CHCHD3: variants seen among roughly 807,000 people sequenced by gnomAD.
CHCHD3 encodes the protein MICOS complex subunit MIC19.
Under a neutral mutation model 38.2 loss-of-function variants are expected in CHCHD3, and 20 were observed. The observed-to-expected ratio is 0.52, with a 90% CI of 0.37 to 0.76. The LOEUF (loss-of-function observed/expected upper bound fraction) is 0.76, where lower values mean the gene tolerates loss of function less well. Ranked by LOEUF, CHCHD3 falls within the 30% of genes least tolerant of loss-of-function variation. CHCHD3 has a pLI of 0.00. For synonymous variants in CHCHD3, 82 were observed against 100.0 expected, an observed-to-expected ratio of 0.82 and a Z score of 1.07; for missense variants, 245 against 279.2, an observed-to-expected ratio of 0.88 and a Z score of 0.87.
chr7:132,860,322 G>GAGAGAGAGAT (rs1808457636), intron 5 of CHCHD3, among the ~76,000 whole-genome samples: 1 of 149,876 alleles, frequency 6.7e-6, no homozygotes, highest in African/African-American at 2.5e-5. Context: ...GAGAAAGAGA[G>GAGAGAGAGAT]AGAGAGAGAG....
intron 3 of CHCHD3, among the ~76,000 whole-genome samples, chr7:132,985,044 C>A (rs1308109309): frequency 1.0e-5 from 1 of 97,822 alleles, no homozygotes; most frequent in Non-Finnish European, 2.2e-5. Context: ...GCCCCCCGCC[C>A]GGCCAGCCGC....
chr7:132,972,614 A>G, intron 4 of CHCHD3: 3 of 985,448 alleles, frequency 3.0e-6, no homozygotes, highest in Non-Finnish European at 3.6e-6. Flanking sequence ...CCAATAACTA[A>G]ATGTCACTGG....
At chr7:132,816,543 C>T (rs1347190218) in intron 6 of CHCHD3, among the ~76,000 whole-genome samples, 1 of 152,196 alleles carries the variant, frequency 6.6e-6, no homozygotes, top group African/African-American at 2.4e-5. Flanking sequence ...TCCAGAAAGT[C>T]CTTAATGACA....
At chr7:132,904,574 TA>T (rs1562903088) in intron 4 of CHCHD3, among the ~76,000 whole-genome samples, 2 of 152,110 alleles carry the variant, frequency 1.3e-5, no homozygotes, top group African/African-American at 4.8e-5. Flanking sequence ...TGGCAATCAT[TA>T]AAAAGTCAGG....
intron 5 of CHCHD3, among the ~76,000 whole-genome samples, chr7:132,876,265 T>C (rs1447092388): frequency 1.3e-5 from 2 of 152,178 alleles, no homozygotes; most frequent in African/African-American, 4.8e-5. Context: ...AATTTCAATC[T>C]CATACGCAGG....
At chr7:133,006,268 C>T (rs1812697295) in intron 3 of CHCHD3, among the ~76,000 whole-genome samples, 2 of 151,994 alleles carry the variant, frequency 1.3e-5, no homozygotes, top group East Asian at 1.9e-4. Flanking sequence ...GAGTTAGAGA[C>T]CAGCCTGACC....
intron 3 of CHCHD3, chr7:133,022,390 T>A (rs1458182639): frequency 8.8e-6 from 4 of 456,630 alleles, no homozygotes; most frequent in Non-Finnish European, 1.8e-5. Context: ...CTCGATTCAA[T>A]TCAGGCAATA....
chr7:133,018,725 GA>G (rs1231098797), intron 3 of CHCHD3, among the ~76,000 whole-genome samples: 1 of 151,978 alleles, frequency 6.6e-6, no homozygotes, highest in African/African-American at 2.4e-5. Flanking sequence ...ATATAATGTA[GA>G]ATAGATATAT....
intron 3 of CHCHD3, among the ~76,000 whole-genome samples, chr7:133,021,604 G>A (rs1357573602): frequency 1.3e-5 from 2 of 152,030 alleles, no homozygotes; most frequent in African/African-American, 4.8e-5. Context: ...TTTCAACTAT[G>A]CTGATAGAAG....
At chr7:132,809,611 G>A (rs1184185948) in intron 6 of CHCHD3, among the ~76,000 whole-genome samples, 1 of 152,070 alleles carries the variant, frequency 6.6e-6, no homozygotes, top group African/African-American at 2.4e-5. Context: ...GCAAGAAAGA[G>A]TACCCACTGA....
At chr7:132,794,476 T>G (rs571505511) in intron 7 of CHCHD3, among the ~76,000 whole-genome samples, 13 of 152,326 alleles carry the variant, frequency 8.5e-5, no homozygotes, top group African/African-American at 3.1e-4. Context: ...CAATCCTAAC[T>G]ACTGCCGAAA....
chr7:132,967,489 T>A (rs1366211057), intron 4 of CHCHD3, among the ~76,000 whole-genome samples: 1 of 152,104 alleles, frequency 6.6e-6, no homozygotes, highest in Non-Finnish European at 1.5e-5. Context: ...TTTGGTGATG[T>A]TAAGATCCTA....
intron 6 of CHCHD3, among the ~76,000 whole-genome samples, chr7:132,832,912 T>G (rs1052840863): frequency 1.3e-5 from 2 of 152,186 alleles, no homozygotes; most frequent in Non-Finnish European, 2.9e-5. Context: ...GGCTAGAGTA[T>G]GAGCTCCATA....
intron 5 of CHCHD3, among the ~76,000 whole-genome samples, chr7:132,856,576 G>A (rs977797926): frequency 2.6e-5 from 4 of 152,160 alleles, no homozygotes; most frequent in African/African-American, 4.8e-5. Context: ...GTGTCTGAAC[G>A]TCGCCTTATT....
At chr7:133,029,909 GA>G (rs1175111582) in intron 2 of CHCHD3, among the ~76,000 whole-genome samples, 2 of 151,768 alleles carry the variant, frequency 1.3e-5, no homozygotes, top group African/African-American at 2.4e-5. Context: ...CATGGCCACT[GA>G]AAAAGACATG....
intron 1 of CHCHD3, among the ~76,000 whole-genome samples, chr7:133,077,124 G>T (rs17166887): frequency 0.11 from 16,008 of 152,082 alleles, 1,865 homozygotes; most frequent in African/African-American, 0.25. Context: ...AATATGTAAT[G>T]CTTAGCTTAT....
chr7:133,057,130 T>A (rs1019285100), intron 2 of CHCHD3, among the ~76,000 whole-genome samples: 7 of 152,198 alleles, frequency 4.6e-5, no homozygotes, highest in Admixed American at 2.0e-4. Flanking sequence ...TTCGGCTGGT[T>A]CAAGTTACAC....
intron 5 of CHCHD3, among the ~76,000 whole-genome samples, chr7:132,846,006 T>C (rs1228590352): frequency 6.6e-6 from 1 of 152,178 alleles, no homozygotes; most frequent in Non-Finnish European, 1.5e-5. Context: ...TGAAATCCTC[T>C]AAGAAAATTA....
chr7:133,030,053 T>C (rs531369047), intron 2 of CHCHD3, among the ~76,000 whole-genome samples: 44 of 147,892 alleles, frequency 3.0e-4, no homozygotes, highest in Middle Eastern at 3.3e-3. Flanking sequence ...AAGTCCAAGG[T>C]CACAACTGAA....
Sources: gnomAD v4.1 joint callset for allele counts (sites outside exome capture counted in the v4.1 genomes callset) on GRCh38, gnomAD v4.1.1 for gene constraint, MANE v1.5 for transcripts, NCBI Gene and HGNC (gene_info 2026-07-23, HGNC 2026-07-21) for gene names.